The following LINGO2 variants were observed in gnomAD, a reference collection of about 807,000 sequenced individuals.
The protein encoded by LINGO2 is leucine rich repeat and Ig domain containing 2.
Under a neutral mutation model 30.6 loss-of-function variants are expected in LINGO2, and 14 were observed. That is an observed-to-expected ratio of 0.46 (90% CI 0.30 to 0.72). The LOEUF (loss-of-function observed/expected upper bound fraction) is 0.72, where lower values mean the gene tolerates loss of function less well. LINGO2 is among the 30% of genes least tolerant of loss of function. LINGO2 has a pLI of 0.07. For missense variants in LINGO2, 729 were observed against 751.7 expected, an observed-to-expected ratio of 0.97 and a Z score of 0.35; for synonymous variants, 317 against 288.5, an observed-to-expected ratio of 1.10 and a Z score of -1.00.
chr9:28,447,739 C>T (rs1260638289), intron 2 of LINGO2, among the ~76,000 whole-genome samples: 1 of 152,102 alleles, frequency 6.6e-6, no homozygotes, highest in Non-Finnish European at 1.5e-5. Flanking sequence ...CATTGGAGAA[C>T]TATATATGTT....
At chr9:28,482,085 T>C (rs7468545) in intron 1 of LINGO2, among the ~76,000 whole-genome samples, 2,919 of 152,034 alleles carry the variant, frequency 0.019, 90 homozygotes, top group East Asian at 0.094. Flanking sequence ...AATAAACATA[T>C]GTGTGCATGT....
chr9:28,625,534 T>A (rs181594419), intron 1 of LINGO2, among the ~76,000 whole-genome samples: 1 of 152,260 alleles, frequency 6.6e-6, no homozygotes, highest in Non-Finnish European at 1.5e-5. Flanking sequence ...CAGGGGGAAT[T>A]ATTGGTTGAG....
At chr9:29,074,306 T>C in the LINGO2 span, among the ~76,000 whole-genome samples, 1 of 152,196 alleles carries the variant, frequency 6.6e-6, no homozygotes, top group Admixed American at 6.5e-5. Flanking sequence ...GTCTTATCTA[T>C]TGATATAACA....
At chr9:29,202,541 G>A in the LINGO2 span, among the ~76,000 whole-genome samples, 1 of 151,928 alleles carries the variant, frequency 6.6e-6, no homozygotes, top group Admixed American at 6.6e-5. Context: ...AATTCCACAA[G>A]GAGAGCTAAA....
At chr9:28,169,916 C>T (rs10733425) in intron 4 of LINGO2, among the ~76,000 whole-genome samples, 151,038 of 152,294 alleles carry the variant, frequency 0.99, 74,914 homozygotes, top group Middle Eastern at 1. Context: ...ATCTTTCCAA[C>T]GAGGCCTTCT....
At chr9:28,712,465 T>C in the LINGO2 span, among the ~76,000 whole-genome samples, 1 of 151,206 alleles carries the variant, frequency 6.6e-6, no homozygotes, top group African/African-American at 2.4e-5. Flanking sequence ...CTCAGACTGA[T>C]TAAGTAGCTC....
intron 1 of LINGO2, among the ~76,000 whole-genome samples, chr9:28,575,597 C>T (rs1823933896): frequency 6.6e-6 from 1 of 151,750 alleles, no homozygotes; most frequent in Admixed American, 6.6e-5. Context: ...TATACTATGC[C>T]CGCTACCTGG....
At chr9:28,675,707 C>T in the LINGO2 span, among the ~76,000 whole-genome samples, 1 of 151,262 alleles carries the variant, frequency 6.6e-6, no homozygotes, top group African/African-American at 2.4e-5. Context: ...CCTGTCTCTA[C>T]TAAACATACA....
chr9:27,985,671 T>C (rs1171198616), intron 5 of LINGO2, among the ~76,000 whole-genome samples: 1 of 151,826 alleles, frequency 6.6e-6, no homozygotes, highest in Non-Finnish European at 1.5e-5. Context: ...TATTATTACT[T>C]CTATGATGAT....
At chr9:29,169,505 G>A in the LINGO2 span, among the ~76,000 whole-genome samples, 9 of 151,596 alleles carry the variant, frequency 5.9e-5, no homozygotes, top group Middle Eastern at 3.4e-3. Context: ...GCATACGAGC[G>A]GCCAACAAAC....
intron 4 of LINGO2, among the ~76,000 whole-genome samples, chr9:28,152,146 T>G (rs1212016020): frequency 6.6e-6 from 1 of 152,200 alleles, no homozygotes; most frequent in Non-Finnish European, 1.5e-5. Context: ...TCCCCAGTGT[T>G]GGAGTTGGGA....
At chr9:28,814,773 A>G in the LINGO2 span, among the ~76,000 whole-genome samples, 3 of 151,622 alleles carry the variant, frequency 2.0e-5, no homozygotes, top group East Asian at 6.0e-4. Flanking sequence ...CTGTAATTCC[A>G]GCTACTCTCT....
At chr9:28,588,792 A>G (rs905577850) in intron 1 of LINGO2, among the ~76,000 whole-genome samples, 3 of 152,070 alleles carry the variant, frequency 2.0e-5, no homozygotes, top group Non-Finnish European at 4.4e-5. Context: ...TACAGATATT[A>G]CTAGTCAGGC....
At chr9:28,724,454 A>G in the LINGO2 span, among the ~76,000 whole-genome samples, 16 of 152,290 alleles carry the variant, frequency 1.1e-4, no homozygotes, top group Non-Finnish European at 1.8e-4. Context: ...CCCAACTTGA[A>G]GTTATAATTG....
At position 27,995,560 on chromosome 9, in the gene LINGO2, T is replaced by A. The variant is rs142323071; in HGVS notation, c.-36+16795A>T. Among the ~76,000 whole-genome samples the A allele has an allele frequency of 5.9e-5, 9 of 152,266 alleles. No homozygotes were observed. In the East Asian group the frequency reaches 1.7e-3, roughly 30 times the overall value. On this transcript the variant is annotated intron_variant, in intron 5 of 5. Transcript: ENST00000379992. Reference sequence around the variant, plus strand: ...CATCAGGTGGGATTTATTCCAGAGATGTAAAGATGGTTAATCACATTAGTA... The same window carrying A: ...CATCAGGTGGGATTTATTCCAGAGAAGTAAAGATGGTTAATCACATTAGTA...
intron 4 of LINGO2, among the ~76,000 whole-genome samples, chr9:28,063,840 G>A (rs1174614656): frequency 6.6e-6 from 1 of 151,988 alleles, no homozygotes; most frequent in Non-Finnish European, 1.5e-5. Context: ...TTGATATTGT[G>A]GTTCTGAGTA....
chr9:28,887,502 T>C, the LINGO2 span, among the ~76,000 whole-genome samples: 1 of 152,074 alleles, frequency 6.6e-6, no homozygotes, highest in Non-Finnish European at 1.5e-5. Context: ...GATTTGCTTT[T>C]ATTAAAAAAA....
chr9:28,144,113 G>A (rs753388375), intron 4 of LINGO2, among the ~76,000 whole-genome samples: 4 of 152,114 alleles, frequency 2.6e-5, no homozygotes, highest in Non-Finnish European at 4.4e-5. Context: ...AAAATAAATA[G>A]ATAAAATAGT....
At position 28,662,748 on chromosome 9, in the gene LINGO2, A is replaced by G. The variant is rs116183389; in HGVS notation, c.-365+7452T>C. On this transcript the variant is annotated intron_variant, in intron 1 of 5. Coordinates refer to ENST00000379992, the Ensembl canonical transcript of LINGO2. ...GTAAATATTGCAAAGTACTTAAAAT[A>G]GTGCCCGGCACATGGCAAGTGTTAT... 2.7e-3 allele frequency among the ~76,000 whole-genome samples: 408 copies of G among 152,310 alleles called. 3 individuals carry two copies. Among genetic ancestry groups the G allele is most frequent in the African/African-American group, 9.4e-3 (390 of 41,576 alleles).
Sources: allele counts gnomAD v4.1 joint callset (sites outside exome capture counted in the v4.1 genomes callset), GRCh38; gene constraint gnomAD v4.1.1; transcripts MANE v1.5; gene names NCBI Gene and HGNC (gene_info 2026-07-23, HGNC 2026-07-21).